The following FMO1 variants were observed in gnomAD, a reference collection of about 807,000 sequenced individuals.
The protein encoded by FMO1 is flavin containing dimethylaniline monoxygenase 1.
FMO1 carries 36 observed loss-of-function variants against 45.4 expected under a neutral mutation model. The ratio of observed to expected loss-of-function variants is 0.79; its 90% CI spans 0.61 to 1.05. The LOEUF (loss-of-function observed/expected upper bound fraction) is 1.05, where lower values mean the gene tolerates loss of function less well. FMO1 is among the 50% of genes least tolerant of loss of function. FMO1 has a pLI of 0.00. For missense variants in FMO1, 615 were observed against 640.3 expected (o/e 0.96, Z 0.43); for synonymous variants, 228 against 227.2 (o/e 1.00, Z -0.03).
In FMO1 at chr1:171,260,638, T is replaced by C. The variant is rs184423427; in HGVS notation, c.132+2419T>C. Among the ~76,000 whole-genome samples, 3 of 151,596 alleles carry C rather than the reference T, an allele frequency of 2.0e-5. No individual in the cohort carries two copies. The East Asian group carries it at 5.9e-4, about 30-fold the overall frequency. On this transcript the variant is annotated intron_variant, in intron 2 of 8. Coordinates refer to ENST00000617670, the MANE Select transcript of FMO1 (RefSeq NM_001282693.2). ...AAATGGGGTTGGAGAATTAGAAAAATAGAGAAGGTCAGCCAGGCACGGTGG... is the reference window on the plus strand; with the variant it reads ...AAATGGGGTTGGAGAATTAGAAAAACAGAGAAGGTCAGCCAGGCACGGTGG...
At chr1:171,256,064 G>A (rs961088560) in intron 1 of FMO1, among the ~76,000 whole-genome samples, 2 of 152,000 alleles carry the variant, frequency 1.3e-5, no homozygotes, top group African/African-American at 4.8e-5. Context: ...ACGAGGTTAG[G>A]AGATCAAGAC....
At position 171,280,831 on chromosome 1, in the gene FMO1, T is replaced by G. The variant is rs1179574563; in HGVS notation, c.673T>G (p.Phe225Val). Residue 225 changes from phenylalanine to valine, a missense_variant, in exon 6 of 9, where the codon TTT (phenylalanine) becomes GTT (valine). Coordinates refer to ENST00000617670, the MANE Select transcript of FMO1 (RefSeq NM_001282693.2). ...AGGGGGATGGGTGATCAGCCGAATC[T>G]TTGACTCGGGCTACCCATGGGACAT... ...TGGGWVISRI[F>V]DSGYPWDMVF... 6.2e-7 allele frequency: 1 copy of G among 1,613,740 alleles called. No individual in the cohort carries two copies. Among genetic ancestry groups the G allele is most frequent in the Non-Finnish European group, 8.5e-7 (1 of 1,179,852 alleles).
rs187317365 is a variant in FMO1 at position 171,279,907 on chromosome 1, C to T, written c.628-879C>T. Among the ~76,000 whole-genome samples the T allele has an allele frequency of 2.0e-5, 3 of 152,218 alleles. No individual in the cohort carries two copies. The East Asian group carries it at 5.8e-4, about 29-fold the overall frequency. On this transcript the variant is annotated intron_variant, in intron 5 of 8. Transcript: ENST00000617670. The stretch of plus-strand genomic sequence containing the variant: ...TTAGTTCCCCTTTGCTCACGCTACC[C>T]CTCTCTCTTCTTCAGAGCCCCTTTC...
chr1:171,258,616 G>A (rs1341790915), intron 2 of FMO1, among the ~76,000 whole-genome samples: 1 of 152,186 alleles, frequency 6.6e-6, no homozygotes, highest in East Asian at 1.9e-4. Flanking sequence ...AGACTGAGCT[G>A]CTTTTACCTG....
intron 3 of FMO1, chr1:171,271,482 A>G (rs1005605766): frequency 1.1e-4 from 107 of 954,040 alleles, no homozygotes; most frequent in Middle Eastern, 2.6e-4. Context: ...TGAGAAGTTG[A>G]CTGAAGCATC....
chr1:171,250,320 G>T (rs1390248983), intron 1 of FMO1, among the ~76,000 whole-genome samples: 2 of 152,148 alleles, frequency 1.3e-5, no homozygotes, highest in Non-Finnish European at 2.9e-5. Context: ...GCAAAGATAT[G>T]ATGTCAGCAA....
intron 4 of FMO1, 51 bp downstream of exon 4, chr1:171,275,559 G>T (rs1457060876): frequency 7.4e-7 from 1 of 1,353,352 alleles, no homozygotes; most frequent in East Asian, 2.4e-5. Flanking sequence ...GAGCCATTCT[G>T]ATGCTTGATT....
chr1:171,264,656 G>A (rs1299252426), intron 2 of FMO1, among the ~76,000 whole-genome samples: 6 of 152,004 alleles, frequency 3.9e-5, no homozygotes, highest in African/African-American at 7.2e-5. Flanking sequence ...TTGGGAGGCC[G>A]AGAAGGGCGG....
rs755858664 is a variant in FMO1 at position 171,282,182 on chromosome 1, A to AG, written c.1033dup (p.Val345GlyfsTer2). The AG allele has an allele frequency of 1.2e-6, 2 of 1,614,004 alleles. No individual in the cohort carries two copies. Among genetic ancestry groups the AG allele is most frequent in the Non-Finnish European group, 1.7e-6 (2 of 1,179,898 alleles). ...CCTTCCTTGATGAGTCTGTAGTGAA[A>AG]GTTGAAGATGGCCAGGCCTCACTGT... On this transcript the variant is annotated frameshift_variant, in exon 7 of 9. Transcript: ENST00000617670. LOFTEE classifies it high-confidence loss of function.
intron 6 of FMO1, 84 bp downstream of exon 6, chr1:171,281,069 C>A: frequency 9.3e-7 from 1 of 1,073,638 alleles, no homozygotes; most frequent in Non-Finnish European, 1.4e-6. Flanking sequence ...GGCAGTACCA[C>A]AGCAACATGG....
chr1:171,270,149 T>C (rs1343462837), intron 3 of FMO1, among the ~76,000 whole-genome samples: 2 of 152,196 alleles, frequency 1.3e-5, no homozygotes, highest in Admixed American at 1.3e-4. Flanking sequence ...CATGTAAAAA[T>C]TACAACATAC....
chr1:171,254,107 A>T (rs7552732), intron 1 of FMO1: 7,631 of 150,948 alleles, frequency 0.051, 226 homozygotes, highest in African/African-American at 0.062. Flanking sequence ...TTTTTTTTTT[A>T]AAATGGAGTC....
intron 8 of FMO1, among the ~76,000 whole-genome samples, chr1:171,284,733 AAAAAAAAAAAG>A: frequency 6.6e-6 from 1 of 151,342 alleles, no homozygotes; most frequent in African/African-American, 2.4e-5. Context: ...CCTTGTAAAA[AAAAAAAAAAAG>A]AAAAAAGAAA....
At chr1:171,266,010 T>A (rs534262847) in intron 2 of FMO1, among the ~76,000 whole-genome samples, 1 of 152,356 alleles carries the variant, frequency 6.6e-6, no homozygotes, top group African/African-American at 2.4e-5. Context: ...GTATCTTCAG[T>A]CTTTTATCCG....
At chr1:171,271,217 C>G in intron 3 of FMO1, 1 of 903,240 alleles carries the variant, frequency 1.1e-6, no homozygotes, top group Non-Finnish European at 1.8e-6. Context: ...TTCTTCACGA[C>G]ATCACTAATG....
At chr1:171,265,347 A>G (rs1344544562) in intron 2 of FMO1, among the ~76,000 whole-genome samples, 1 of 151,370 alleles carries the variant, frequency 6.6e-6, no homozygotes. Context: ...GCAGAGATTA[A>G]GCCACTGCAC....
chr1:171,273,040 T>A (rs1193442367), intron 3 of FMO1, among the ~76,000 whole-genome samples: 1 of 152,092 alleles, frequency 6.6e-6, no homozygotes, highest in Non-Finnish European at 1.5e-5. Flanking sequence ...GTGAGAGGGG[T>A]CCAGTGGGAG....
rs141116988 is a variant in FMO1, at chr1:171,268,691, G to A, written c.321+960G>A. 7.2e-3 allele frequency among the ~76,000 whole-genome samples: 1,090 copies of A among 151,726 alleles called. 14 individuals carry two copies. Among genetic ancestry groups the A allele is most frequent in the African/African-American group, 0.025 (1,026 of 41,268 alleles). ...TTCCCTTCTCCTTTCTCCCTCCCCT[G>A]TCAGAGGTAAGGATGATGAGGAATT... On this transcript the variant is annotated intron_variant, in intron 3 of 8. Transcript: ENST00000617670.
chr1:171,285,205 T>C lies in FMO1; in HGVS notation c.1260T>C (p.Phe420=). Reference sequence around the variant, plus strand: ...CCCCAATCTTCCTTTTATAAAGGTTTGGCTTGTGCTACTGCAAGGCTTTAC... The same window carrying C: ...CCCCAATCTTCCTTTTATAAAGGTTCGGCTTGTGCTACTGCAAGGCTTTAC... The part of the protein sequence containing the change: ...NARKENKPSW[F]GLCYCKALQS... Residue 420 remains phenylalanine (F), a synonymous_variant, in exon 9 of 9, where the codon TTT becomes TTC. Coordinates refer to ENST00000617670, the MANE Select transcript of FMO1 (RefSeq NM_001282693.2). 1 of 1,580,832 alleles carries C rather than the reference T, an allele frequency of 6.3e-7. No homozygotes were observed. The highest frequency in any genetic ancestry group is 8.6e-7 in the Non-Finnish European group (1 of 1,162,038).
Sources: gnomAD v4.1 joint callset for allele counts (sites outside exome capture counted in the v4.1 genomes callset) on GRCh38, gnomAD v4.1.1 for gene constraint, MANE v1.5 for transcripts, NCBI Gene and HGNC (gene_info 2026-07-23, HGNC 2026-07-21) for gene names.